SLC45A4: variants seen among roughly 807,000 people sequenced by gnomAD.
SLC45A4 encodes polyamine-transporter SLC45A4.
SLC45A4 carries 32 observed loss-of-function variants against 63.7 expected under a neutral mutation model. The ratio of observed to expected loss-of-function variants is 0.50; its 90% confidence interval spans 0.38 to 0.67. SLC45A4 has a LOEUF of 0.67. SLC45A4 is among the 30% of genes least tolerant of loss of function. The probability of loss-of-function intolerance (pLI) is 0.00; values close to 1 mark genes in which losing one functional copy is unlikely to be tolerated. For missense variants in SLC45A4, 1,027 were observed against 1,157.7 expected (o/e 0.89, Z 1.64); for synonymous variants, 535 against 510.0 (o/e 1.05, Z -0.66).
chr8:141,284,254 C>A (rs1343793494), intron 1 of SLC45A4, among the ~76,000 whole-genome samples: 1 of 152,204 alleles, frequency 6.6e-6, no homozygotes, highest in Non-Finnish European at 1.5e-5. Context: ...CAAAAGAGAG[C>A]TCGGCTGGTG....
intron 1 of SLC45A4, among the ~76,000 whole-genome samples, chr8:141,260,526 CCAAA>C (rs1829002055): frequency 6.6e-6 from 1 of 152,196 alleles, no homozygotes; most frequent in African/African-American, 2.4e-5. Flanking sequence ...GCTGCTGCTT[CCAAA>C]CATTTTATTT....
rs1830964089 is a variant in SLC45A4 at position 141,308,221 on chromosome 8, G to C, written c.-526C>G. On this transcript the variant is annotated 5_prime_UTR_variant, in exon 1 of 9. Coordinates refer to ENST00000517878, the MANE Select transcript of SLC45A4 (RefSeq NM_001286646.2). The stretch of plus-strand genomic sequence containing the variant: ...GCGGCTGCGGGTCCGGGCGGGGGCT[G>C]CTCCCTCGGCCGGCCGGCCGGGCGG... 6.8e-6 allele frequency: 1 copy of C among 147,710 alleles called. No individual in the cohort carries two copies. The highest frequency in any genetic ancestry group is 1.5e-5 in the Non-Finnish European group (1 of 66,050). 9.1% of individuals were successfully genotyped at this position (147,710 alleles called of 1,614,324 possible). A position where few individuals can be genotyped will look rare whatever the true frequency, so the allele number is the denominator to read the frequency against.
chr8:141,287,817 G>C (rs1830206861), intron 1 of SLC45A4, among the ~76,000 whole-genome samples: 1 of 152,170 alleles, frequency 6.6e-6, no homozygotes, highest in Non-Finnish European at 1.5e-5. Flanking sequence ...TGAGGAGACG[G>C]CTCTCAGACC....
Position 141,211,582 on chromosome 8 carries a change from C to T in SLC45A4, c.2417G>A (p.Trp806Ter). 1 of 1,612,982 alleles carries T rather than the reference C, an allele frequency of 6.2e-7. No homozygotes were observed. ...FRKKIFFSTM[W>*]FS ...AGATACGTCATTCTTCTAAGAGAAC[C>T]ACATTGTGGAAAAGAAAATTTTTTT... Residue 806 changes from tryptophan to a stop codon, truncating the protein, a stop_gained, in exon 9 of 9, where the codon TGG becomes TAG. Transcript: ENST00000517878. LOFTEE classifies it high-confidence loss of function.
intron 1 of SLC45A4, among the ~76,000 whole-genome samples, chr8:141,285,308 G>A (rs1830097260): frequency 6.6e-6 from 1 of 152,258 alleles, no homozygotes; most frequent in Non-Finnish European, 1.5e-5. Flanking sequence ...CACTGCCGTG[G>A]CTGAGATTCC....
rs565604880 is a variant in SLC45A4 at position 141,207,799 on chromosome 8, G to A, written c.*3773C>T. On this transcript the variant is annotated 3_prime_UTR_variant, in exon 9 of 9. Coordinates refer to ENST00000517878, the MANE Select transcript of SLC45A4 (RefSeq NM_001286646.2). ...GGGGCCACCTTGAGCTCTGGCCGGA[G>A]GGTGATGGCTGGCTTTGCATGAGGA... 1.3e-5 allele frequency: 2 copies of A among 152,596 alleles called. No homozygotes were observed. Among genetic ancestry groups the A allele is most frequent in the African/African-American group, 4.8e-5 (2 of 41,586 alleles). 9.5% of individuals were successfully genotyped at this position (152,596 alleles called of 1,614,324 possible). A position where few individuals can be genotyped will look rare whatever the true frequency, so the allele number is the denominator to read the frequency against.
At chr8:141,251,849 T>TA in intron 2 of SLC45A4, among the ~76,000 whole-genome samples, 1 of 151,164 alleles carries the variant, frequency 6.6e-6, no homozygotes, top group Non-Finnish European at 1.5e-5. Flanking sequence ...ATTTTGGTAA[T>TA]AATCAGCATC....
intron 1 of SLC45A4, among the ~76,000 whole-genome samples, chr8:141,258,700 C>T (rs202066988): frequency 1.3e-5 from 2 of 152,070 alleles, no homozygotes; most frequent in Non-Finnish European, 2.9e-5. Flanking sequence ...CTGGGCAACA[C>T]AGCAAGACTC....
At chr8:141,275,780 C>T (rs1200147243) in intron 1 of SLC45A4, among the ~76,000 whole-genome samples, 1 of 152,142 alleles carries the variant, frequency 6.6e-6, no homozygotes, top group African/African-American at 2.4e-5. Context: ...TATACTTACC[C>T]ACTACCTAAG....
chr8:141,236,923 C>T (rs73713388), intron 2 of SLC45A4, among the ~76,000 whole-genome samples: 1,793 of 152,326 alleles, frequency 0.012, 32 homozygotes, highest in African/African-American at 0.038. Context: ...AAACCTCCAT[C>T]GGTCCCTGAG....
intron 2 of SLC45A4, among the ~76,000 whole-genome samples, chr8:141,245,302 G>A (rs1433938658): frequency 2.0e-5 from 3 of 152,154 alleles, no homozygotes; most frequent in African/African-American, 7.2e-5. Context: ...GTTGCTGGCT[G>A]CTGCTACCTC....
chr8:141,218,517 C>T lies in SLC45A4; in HGVS notation c.1123G>A (p.Asp375Asn). The change falls in exon 5 of 9, where the codon GAT (aspartate) becomes AAT (asparagine). Residue 375 changes from aspartate to asparagine, a missense_variant. Physicochemically the swap from Asp to Asn is conservative, Grantham distance 23. Coordinates refer to ENST00000517878, the MANE Select transcript of SLC45A4 (RefSeq NM_001286646.2). ...ACTTTAGCTTCATTCAAGTGATTATCCAGCAAGGTCTCGTCCTCCTTGGCG... is the reference window on the plus strand; with the variant it reads ...ACTTTAGCTTCATTCAAGTGATTATTCAGCAAGGTCTCGTCCTCCTTGGCG... ...EAAKEDETLL[D>N]NHLNEAKVPN... 6.2e-7 allele frequency: 1 copy of T among 1,613,562 alleles called. No homozygotes were observed. The highest frequency in any genetic ancestry group is 8.5e-7 in the Non-Finnish European group (1 of 1,179,968).
chr8:141,262,940 A>G (rs1683478396), intron 1 of SLC45A4, among the ~76,000 whole-genome samples: 1 of 151,730 alleles, frequency 6.6e-6, no homozygotes, highest in Non-Finnish European at 1.5e-5. Flanking sequence ...CACTATTCAC[A>G]ATAGCAAAGA....
At chr8:141,219,084 G>A in intron 4 of SLC45A4, 55 bp from the exon 5 acceptor site, 14 of 1,560,568 alleles carry the variant, frequency 9.0e-6, no homozygotes, top group South Asian at 1.2e-5. Flanking sequence ...CACAGGGGGG[G>A]AAGCTCTGGG....
At chr8:141,248,790 A>G (rs11167041) in intron 2 of SLC45A4, among the ~76,000 whole-genome samples, 107,137 of 151,952 alleles carry the variant, frequency 0.71, 38,275 homozygotes, top group East Asian at 0.87. Flanking sequence ...TGAGGTGGGC[A>G]GATGGCTTGA....
chr8:141,226,866 G>C (rs1456643858), intron 2 of SLC45A4: 1 of 152,256 alleles, frequency 6.6e-6, no homozygotes, highest in Non-Finnish European at 1.5e-5. Context: ...CTGCAGGAGT[G>C]AGTGGTCCCG....
intron 1 of SLC45A4, among the ~76,000 whole-genome samples, chr8:141,284,972 G>A (rs1182579670): frequency 6.7e-6 from 1 of 149,636 alleles, no homozygotes; most frequent in Non-Finnish European, 1.5e-5. Flanking sequence ...ACTCCCTGGG[G>A]CCTCGGCCCC....
chr8:141,298,909 G>A (rs989710775), intron 1 of SLC45A4, among the ~76,000 whole-genome samples: 1 of 152,058 alleles, frequency 6.6e-6, no homozygotes, highest in African/African-American at 2.4e-5. Context: ...TCAGTGGGGG[G>A]TGGGGGGAGC....
intron 2 of SLC45A4, among the ~76,000 whole-genome samples, chr8:141,228,956 C>T (rs142230217): frequency 1.7e-3 from 259 of 152,250 alleles, no homozygotes; most frequent in African/African-American, 5.6e-3. Flanking sequence ...CAACACCACC[C>T]GCCCCACAGC....
Sources: gnomAD v4.1 joint callset for allele counts (sites outside exome capture counted in the v4.1 genomes callset) on GRCh38, gnomAD v4.1.1 for gene constraint, MANE v1.5 for transcripts, NCBI Gene and HGNC (gene_info 2026-07-23, HGNC 2026-07-21) for gene names.